The following LPIN3 variants were observed in gnomAD, a reference collection of about 807,000 sequenced individuals.
LPIN3 encodes lipin 3, also known as phosphatidate phosphatase LPIN3.
Under a neutral mutation model 94.7 loss-of-function variants are expected in LPIN3, and 82 were observed. That is an observed-to-expected ratio of 0.87 (90% CI 0.72 to 1.04). The LOEUF is 1.04. LPIN3 is among the 50% of genes least tolerant of loss of function. The probability of loss-of-function intolerance (pLI) is 0.00; values close to 1 mark genes in which losing one functional copy is unlikely to be tolerated. For synonymous variants in LPIN3, 418 were observed against 443.3 expected (o/e 0.94, Z 0.72); for missense variants, 996 against 1,090.5 (o/e 0.91, Z 1.22).
chr20:41,342,878 CTG>C (rs1457824734), intron 1 of LPIN3, among the ~76,000 whole-genome samples: 2 of 152,194 alleles, frequency 1.3e-5, no homozygotes, highest in Non-Finnish European at 2.9e-5. Flanking sequence ...GAAGGGGAAA[CTG>C]AGGCCAGCCA....
chr20:41,348,017 T>G (rs529684606), intron 3 of LPIN3, among the ~76,000 whole-genome samples: 1 of 152,258 alleles, frequency 6.6e-6, no homozygotes, highest in South Asian at 2.1e-4. Context: ...CTGGGTCTGG[T>G]GCCAGCTCCG....
intron 11 of LPIN3, 36 bp from the exon 12 acceptor site, chr20:41,354,609 G>T (rs750934145): frequency 2.0e-6 from 3 of 1,535,252 alleles, no homozygotes; most frequent in Non-Finnish European, 2.6e-6. Flanking sequence ...TTTATGTGGT[G>T]CAGGAAACAC....
rs933835727 is a variant in LPIN3, at chr20:41,357,039, G to T, written c.1804-1G>T. Reference sequence around the variant, plus strand: ...ACACACCCCCCTTTGTCTGGCCTCAGCGGCGCCTGAACCTGCAAGAAGGTG... The same window carrying T: ...ACACACCCCCCTTTGTCTGGCCTCATCGGCGCCTGAACCTGCAAGAAGGTG... On this transcript the variant is annotated splice_acceptor_variant, in intron 14 of 19. Transcript: ENST00000373257. LOFTEE classifies it high-confidence loss of function. 4.3e-6 allele frequency: 7 copies of T among 1,611,384 alleles called. No homozygotes were observed. The highest frequency in any genetic ancestry group is 1.7e-5 in the Admixed American group (1 of 59,986).
At chr20:41,358,194 C>T (rs1486039162) in intron 17 of LPIN3, 43 bp from the exon 18 acceptor site, 14 of 1,602,932 alleles carry the variant, frequency 8.7e-6, no homozygotes, top group Middle Eastern at 1.6e-4. Flanking sequence ...TGGCTTCTTC[C>T]CTACTTTGGC....
At chr20:41,354,461 C>T (rs536131863) in intron 11 of LPIN3, among the ~76,000 whole-genome samples, 184 bp from the exon 12 acceptor site, 2 of 152,332 alleles carry the variant, frequency 1.3e-5, no homozygotes, top group African/African-American at 4.8e-5. Flanking sequence ...ATAGCTCACC[C>T]AAGTCATTGC....
In LPIN3 at chr20:41,357,900, G is replaced by A. The variant is rs2072969; in HGVS notation, c.2058G>A (p.Leu686=). The part of the protein sequence containing the change: ...HKIQLNGYKF[L]YCSARAIGMA... Reference sequence around the variant, plus strand: ...CTCTCAGAAATGGGTACAAGTTCCTGTACTGCTCGGCGCGGGCCATTGGCA... The same window carrying A: ...CTCTCAGAAATGGGTACAAGTTCCTATACTGCTCGGCGCGGGCCATTGGCA... Residue 686 remains leucine (L), a synonymous_variant, in exon 17 of 20, where the codon CTG becomes CTA. Transcript: ENST00000373257. 0.054 allele frequency: 86,550 copies of A among 1,614,012 alleles called. 10,383 individuals are homozygous for A. The highest frequency in any genetic ancestry group is 0.51 in the East Asian group (22,871 of 44,870).
Position 41,349,884 on chromosome 20 carries a change from G to C in LPIN3, c.749G>C (p.Arg250Thr). ...TCCCACATGCAGTGGGCCTGGGGGA[G>C]GCTGCCTAAGGTGAGTCCCTCTGTA... Reference protein sequence around the residue: ...AESHMQWAWGRLPKVARAERP... With the variant: ...AESHMQWAWGTLPKVARAERP... Residue 250 changes from arginine (R) to threonine (T), a missense_variant, in exon 6 of 20, where the codon AGG becomes ACG. Coordinates refer to ENST00000373257, the MANE Select transcript of LPIN3 (RefSeq NM_022896.3). 2 of 1,612,638 alleles carry C rather than the reference G, an allele frequency of 1.2e-6. No individual in the cohort carries two copies. Among genetic ancestry groups the C allele is most frequent in the Non-Finnish European group, 1.7e-6 (2 of 1,179,734 alleles).
At chr20:41,343,972 G>A (rs2045677366) in intron 1 of LPIN3, among the ~76,000 whole-genome samples, 1 of 152,126 alleles carries the variant, frequency 6.6e-6, no homozygotes, top group Non-Finnish European at 1.5e-5. Context: ...TGAGGCAGGA[G>A]GATCACTAGA....
chr20:41,346,450 T>C (rs532700539), intron 2 of LPIN3, among the ~76,000 whole-genome samples: 1 of 152,200 alleles, frequency 6.6e-6, no homozygotes, highest in Non-Finnish European at 1.5e-5. Flanking sequence ...TCTTAATAAA[T>C]CCACTTCAGG....
At chr20:41,341,980 AAAAT>A (rs1267734872) in intron 1 of LPIN3, among the ~76,000 whole-genome samples, 4 of 152,166 alleles carry the variant, frequency 2.6e-5, no homozygotes, top group East Asian at 1.9e-4. Flanking sequence ...CCATCTCAAA[AAAAT>A]AAATAAATAA....
intron 1 of LPIN3, among the ~76,000 whole-genome samples, chr20:41,345,098 C>T (rs1187525898): frequency 1.3e-5 from 2 of 152,216 alleles, no homozygotes; most frequent in Non-Finnish European, 2.9e-5. Flanking sequence ...CTCACAGGAC[C>T]AGCAGATAGC....
intron 2 of LPIN3, among the ~76,000 whole-genome samples, chr20:41,347,040 T>C (rs962018272): frequency 6.6e-6 from 1 of 152,180 alleles, no homozygotes; most frequent in Admixed American, 6.6e-5. Flanking sequence ...AGTTTCCTCA[T>C]CTGTAAAGTG....
Position 41,348,696 on chromosome 20 carries a change from G to A in LPIN3, c.366G>A (p.Leu122=), listed in dbSNP as rs1273611533. 6.2e-7 allele frequency: 1 copy of A among 1,613,948 alleles called. No individual in the cohort carries two copies. The highest frequency in any genetic ancestry group is 1.1e-5 in the South Asian group (1 of 91,068). Residue 122 remains leucine (L), a synonymous_variant, in exon 4 of 20, where the codon CTG becomes CTA. Coordinates refer to ENST00000373257, the MANE Select transcript of LPIN3 (RefSeq NM_022896.3). The part of the protein sequence containing the change: ...GLSGFPSDSQ[L]GTASEPEGLV... The stretch of plus-strand genomic sequence containing the variant: ...CTGGCTTCCCCTCGGACTCCCAGCT[G>A]GGCACTGCCAGTGAGCCTGAGGGCC...
At chr20:41,358,189 T>TCTTCCCTACTTTGGCCCC (rs2046282816) in intron 17 of LPIN3, 48 bp from the exon 18 acceptor site, 1 of 1,600,354 alleles carries the variant, frequency 6.2e-7, no homozygotes, top group African/African-American at 1.3e-5. Flanking sequence ...CCCTCTGGCT[T>TCTTCCCTACTTTGGCCCC]CTTCCCTACT....
rs2045827538 is a variant in LPIN3 at position 41,347,561 on chromosome 20, G to A, written c.202G>A (p.Glu68Lys). 6.2e-7 allele frequency: 1 copy of A among 1,614,188 alleles called. No homozygotes were observed. The highest frequency in any genetic ancestry group is 1.1e-5 in the South Asian group (1 of 91,086). ...LRSREKVVDI[E>K]LNGEPVDLHM... Reference sequence around the variant, plus strand: ...CGCTTTCCATTTGCAGGTAGACATTGAGCTCAATGGGGAGCCTGTGGACTT... The same window carrying A: ...CGCTTTCCATTTGCAGGTAGACATTAAGCTCAATGGGGAGCCTGTGGACTT... Residue 68 changes from glutamate (E) to lysine (K), a missense_variant, in exon 3 of 20, where the codon GAG (glutamate) becomes AAG (lysine). Transcript: ENST00000373257.
At chr20:41,344,064 A>G (rs1364354191) in intron 1 of LPIN3, among the ~76,000 whole-genome samples, 2 of 151,724 alleles carry the variant, frequency 1.3e-5, no homozygotes, top group African/African-American at 4.8e-5. Flanking sequence ...CCTGTCTCAA[A>G]AAAAAAAAAG....
intron 1 of LPIN3, among the ~76,000 whole-genome samples, chr20:41,341,455 C>G (rs1321899706): frequency 6.6e-6 from 1 of 152,160 alleles, no homozygotes; most frequent in African/African-American, 2.4e-5. Context: ...CTCCTGCTCC[C>G]TCTGGTCCTC....
chr20:41,355,395 A>G (rs903314279), intron 13 of LPIN3, among the ~76,000 whole-genome samples: 3 of 152,210 alleles, frequency 2.0e-5, no homozygotes, highest in African/African-American at 7.2e-5. Context: ...CCTGGCCAAC[A>G]ACCAGGAAAT....
intron 13 of LPIN3, 93 bp downstream of exon 13, chr20:41,354,956 T>G: frequency 8.1e-7 from 1 of 1,232,356 alleles, no homozygotes; most frequent in Non-Finnish European, 1.1e-6. Context: ...CAGCACCCTG[T>G]CTCCAGCTGT....
Sources: allele counts gnomAD v4.1 joint callset (sites outside exome capture counted in the v4.1 genomes callset), GRCh38; gene constraint gnomAD v4.1.1; transcripts MANE v1.5; gene names NCBI Gene and HGNC (gene_info 2026-07-23, HGNC 2026-07-21).